The following MICU1 variants were observed in gnomAD, a reference collection of about 807,000 sequenced individuals.
MICU1 encodes calcium uptake protein 1, mitochondrial.
Under a neutral mutation model 56.8 loss-of-function variants are expected in MICU1, and 45 were observed. The observed-to-expected ratio is 0.79, with a 90% CI of 0.62 to 1.02. The LOEUF is 1.02. Among genes scored for constraint, MICU1 ranks in the 50% least tolerant of loss-of-function variants. The probability of loss-of-function intolerance (pLI) is 0.00; values close to 1 mark genes in which losing one functional copy is unlikely to be tolerated. For missense variants in MICU1, 504 were observed against 587.1 expected (o/e 0.86, Z 1.46); for synonymous variants, 186 against 195.1 (o/e 0.95, Z 0.39).
chr10:72,461,015 C>G (rs1363030594), intron 8 of MICU1, among the ~76,000 whole-genome samples: 1 of 152,142 alleles, frequency 6.6e-6, no homozygotes, highest in Non-Finnish European at 1.5e-5. Flanking sequence ...CCGTGGACAT[C>G]ATTTTGTCCA....
intron 1 of MICU1, among the ~76,000 whole-genome samples, chr10:72,591,728 T>C (rs1841230154): frequency 6.6e-6 from 1 of 152,080 alleles, no homozygotes; most frequent in South Asian, 2.1e-4. Context: ...GTAGTCAGAA[T>C]TCTCCCAGTA....
intron 8 of MICU1, among the ~76,000 whole-genome samples, chr10:72,436,933 A>T (rs1168804838): frequency 6.6e-6 from 1 of 152,224 alleles, no homozygotes; most frequent in South Asian, 2.1e-4. Flanking sequence ...GGTGTACCTA[A>T]AAGTGATGGG....
intron 8 of MICU1, among the ~76,000 whole-genome samples, chr10:72,445,389 T>C (rs1351950184): frequency 1.3e-5 from 2 of 152,226 alleles, no homozygotes; most frequent in Non-Finnish European, 2.9e-5. Flanking sequence ...AAAATCATTA[T>C]AGTCACACTT....
chr10:72,454,379 G>A (rs1172661984), intron 8 of MICU1, among the ~76,000 whole-genome samples: 3 of 151,964 alleles, frequency 2.0e-5, no homozygotes, highest in Non-Finnish European at 2.9e-5. Flanking sequence ...GCTTGAACCG[G>A]GGAGATGGAG....
Position 72,551,275 on chromosome 10 carries a change from T to C in MICU1, c.397A>G (p.Thr133Ala), listed in dbSNP as rs1840028102. 1.5e-5 allele frequency: 25 copies of C among 1,613,514 alleles called. No individual in the cohort carries two copies. The highest frequency in any genetic ancestry group is 2.0e-5 in the Non-Finnish European group (24 of 1,179,656). Residue 133 changes from threonine to alanine, a missense_variant, in exon 4 of 12, where the codon ACC becomes GCC. Transcript: ENST00000361114. ...CCAGGCTCACTGATGACTTTCAAGG[T>C]GGCAAAATATCGGAAGATTTTGTCT... ...TPDKIFRYFA[T>A]LKVISEPGEA... is the part of the protein sequence containing the mutation.
intron 5 of MICU1, among the ~76,000 whole-genome samples, chr10:72,518,386 G>A (rs1867717328): frequency 6.6e-6 from 1 of 151,924 alleles, no homozygotes; most frequent in South Asian, 2.1e-4. Context: ...ATATTAATAT[G>A]TAATTTTTAC....
At chr10:72,603,602 C>T (rs565012583) in intron 1 of MICU1, among the ~76,000 whole-genome samples, 16 of 151,952 alleles carry the variant, frequency 1.1e-4, no homozygotes, top group Non-Finnish European at 1.8e-4. Context: ...GTCAGGAGTT[C>T]GACACCAGCC....
chr10:72,488,193 C>CAAAAA (rs1263516914), intron 6 of MICU1, among the ~76,000 whole-genome samples: 1 of 60,436 alleles, frequency 1.7e-5, no homozygotes, highest in African/African-American at 6.5e-5. Flanking sequence ...AACTCCATCT[C>CAAAAA]AAAAAAAAAA....
chr10:72,505,727 G>A (rs564584180), intron 6 of MICU1, among the ~76,000 whole-genome samples: 49 of 152,140 alleles, frequency 3.2e-4, no homozygotes, highest in East Asian at 7.7e-4. Flanking sequence ...ACCAAATACC[G>A]CACGTTCTCA....
chr10:72,418,817 T>A (rs1045782990), intron 9 of MICU1, among the ~76,000 whole-genome samples: 29 of 152,230 alleles, frequency 1.9e-4, no homozygotes, highest in African/African-American at 6.5e-4. Flanking sequence ...AGAGATGGAC[T>A]CGTAACCTTA....
chr10:72,607,752 A>G (rs1488350552), intron 1 of MICU1, among the ~76,000 whole-genome samples: 1 of 152,160 alleles, frequency 6.6e-6, no homozygotes, highest in East Asian at 1.9e-4. Context: ...GGAACCTCCA[A>G]TTCGCAGTGA....
chr10:72,519,277 G>T (rs1230209973), intron 5 of MICU1, among the ~76,000 whole-genome samples: 1 of 152,182 alleles, frequency 6.6e-6, no homozygotes. Context: ...CCTAGTCTTA[G>T]ATCTTACTTA....
intron 8 of MICU1, among the ~76,000 whole-genome samples, chr10:72,449,729 T>C (rs4456180): frequency 0.65 from 98,514 of 152,022 alleles, 33,100 homozygotes; most frequent in African/African-American, 0.77. Context: ...ATTTTTAAAA[T>C]AGCTAATGAG....
intron 1 of MICU1, among the ~76,000 whole-genome samples, chr10:72,606,464 G>T (rs1841694270): frequency 6.6e-6 from 1 of 151,880 alleles, no homozygotes; most frequent in Admixed American, 6.6e-5. Flanking sequence ...AGTGAGCTGA[G>T]ATCCCGCCAT....
chr10:72,574,942 T>G (rs1305539335), intron 1 of MICU1, among the ~76,000 whole-genome samples: 2 of 152,174 alleles, frequency 1.3e-5, no homozygotes, highest in Admixed American at 1.3e-4. Context: ...AGGACTAGGT[T>G]TATTACTAGT....
chr10:72,393,090 A>G (rs1164863598), intron 10 of MICU1, among the ~76,000 whole-genome samples: 3 of 152,226 alleles, frequency 2.0e-5, no homozygotes, highest in Non-Finnish European at 2.9e-5. Flanking sequence ...TGGGAAGGGT[A>G]GAAGGGTAGA....
At chr10:72,460,897 A>G (rs1453355950) in intron 8 of MICU1, among the ~76,000 whole-genome samples, 1 of 152,194 alleles carries the variant, frequency 6.6e-6, no homozygotes, top group Non-Finnish European at 1.5e-5. Context: ...AGCAATAATC[A>G]TTCTTTATTT....
chr10:72,564,791 T>C (rs1354943039), intron 2 of MICU1, among the ~76,000 whole-genome samples: 1 of 152,072 alleles, frequency 6.6e-6, no homozygotes, highest in Non-Finnish European at 1.5e-5. Context: ...TCTCGAGTAT[T>C]GAGTCAACAC....
intron 9 of MICU1, among the ~76,000 whole-genome samples, chr10:72,415,737 C>T (rs1171365447): frequency 6.6e-6 from 1 of 152,164 alleles, no homozygotes; most frequent in Non-Finnish European, 1.5e-5. Context: ...GAATCTTAGG[C>T]TGGCATCTGG....
Sources: allele counts gnomAD v4.1 joint callset (sites outside exome capture counted in the v4.1 genomes callset), GRCh38; gene constraint gnomAD v4.1.1; transcripts MANE v1.5; gene names NCBI Gene and HGNC (gene_info 2026-07-23, HGNC 2026-07-21).